The following STK32B variants were observed in gnomAD, a reference collection of about 807,000 sequenced individuals.
STK32B encodes serine/threonine-protein kinase 32B.
STK32B carries 43 observed loss-of-function variants against 52.6 expected under a neutral mutation model. That is an observed-to-expected ratio of 0.82 (90% CI 0.64 to 1.05). The LOEUF (loss-of-function observed/expected upper bound fraction) is 1.05, where lower values mean the gene tolerates loss of function less well. Ranked by LOEUF, STK32B falls within the 50% of genes least tolerant of loss-of-function variation. The pLI is 0.00. For synonymous variants in STK32B, 238 were observed against 204.3 expected (o/e 1.17, Z -1.41); for missense variants, 621 against 534.6 (o/e 1.16, Z -1.59).
intron 5 of STK32B, among the ~76,000 whole-genome samples, chr4:5,410,165 T>C (rs750340551): frequency 6.6e-6 from 1 of 152,164 alleles, no homozygotes; most frequent in Non-Finnish European, 1.5e-5. Context: ...GTGCAATTAT[T>C]ATTAGCAGAG....
chr4:5,159,463 T>TAC lies in STK32B; in HGVS notation c.109-8826_109-8825dup, dbSNP rs1174266334. ...AATGGGGTGTAACTATATATATATA[T>TAC]ACACACACACATATATATGAATACA... On this transcript the variant is annotated intron_variant, in intron 2 of 11. Transcript: ENST00000282908. Among the ~76,000 whole-genome samples, 123 of 145,602 alleles carry TAC rather than the reference T, an allele frequency of 8.4e-4. No individual in the cohort carries two copies. The Middle Eastern group carries it at 0.011, about 13-fold the overall frequency.
chr4:5,263,578 C>A (rs9985541), intron 3 of STK32B, among the ~76,000 whole-genome samples: 10,583 of 152,246 alleles, frequency 0.07, 442 homozygotes, highest in East Asian at 0.12. Context: ...AACCATCACA[C>A]TGGCTAAGAG....
intron 3 of STK32B, among the ~76,000 whole-genome samples, chr4:5,236,554 A>C (rs529686831): frequency 1.3e-5 from 2 of 152,218 alleles, no homozygotes; most frequent in East Asian, 3.9e-4. Flanking sequence ...CTGCCTTTGT[A>C]CTTTATATAA....
At chr4:5,476,994 A>C (rs1047899960) in intron 11 of STK32B, among the ~76,000 whole-genome samples, 1 of 151,990 alleles carries the variant, frequency 6.6e-6, no homozygotes, top group African/African-American at 2.4e-5. Flanking sequence ...CCCAGCCAAC[A>C]CCTTGATTTC....
Position 5,463,358 on chromosome 4 carries a change from C to T in STK32B, c.909+3130C>T, listed in dbSNP as rs28677053. 2.7e-3 allele frequency among the ~76,000 whole-genome samples: 409 copies of T among 152,250 alleles called. 1 individual carries two copies. The highest frequency in any genetic ancestry group is 4.5e-3 in the Non-Finnish European group (309 of 68,018). On this transcript the variant is annotated intron_variant, in intron 9 of 11. Transcript: ENST00000282908. ...GGGGGCATCTGGGGTCAGCCTGTGGCTTTGCCATATTGTGTGCCTGAGCCT... is the reference window on the plus strand; with the variant it reads ...GGGGGCATCTGGGGTCAGCCTGTGGTTTTGCCATATTGTGTGCCTGAGCCT...
At chr4:5,307,236 C>T (rs1445566340) in intron 3 of STK32B, among the ~76,000 whole-genome samples, 1 of 152,108 alleles carries the variant, frequency 6.6e-6, no homozygotes, top group African/African-American at 2.4e-5. Flanking sequence ...ACTTGTTTTC[C>T]AAACTTTTAG....
intron 3 of STK32B, among the ~76,000 whole-genome samples, chr4:5,271,756 C>G (rs995340793): frequency 2.6e-4 from 37 of 143,526 alleles, no homozygotes; most frequent in Non-Finnish European, 5.0e-4. Context: ...ATTTTATTGT[C>G]TTTGAAGCAT....
rs550106660 is a variant in STK32B at position 5,059,988 on chromosome 4, CAG to C, written c.52+8076_52+8077del. On this transcript the variant is annotated intron_variant, in intron 1 of 11. Coordinates refer to ENST00000282908, the MANE Select transcript of STK32B (RefSeq NM_018401.3). Reference sequence around the variant, plus strand: ...TGTTATTATTGTTATTATTTTGAGACAGAGTTTCGTTCTTGTTGCCCAGGCTG... The same window carrying C: ...TGTTATTATTGTTATTATTTTGAGACAGTTTCGTTCTTGTTGCCCAGGCTG... Among the ~76,000 whole-genome samples the C allele has an allele frequency of 1.1e-4, 16 of 152,232 alleles. No individual in the cohort carries two copies. The East Asian group carries it at 3.1e-3, about 29-fold the overall frequency.
chr4:5,231,709 GA>G (rs1277211612), intron 3 of STK32B, among the ~76,000 whole-genome samples: 1 of 152,118 alleles, frequency 6.6e-6, no homozygotes, highest in Non-Finnish European at 1.5e-5. Flanking sequence ...GGTTGGAAAA[GA>G]AAAAAACTGA....
chr4:5,235,169 C>T (rs1577224905), intron 3 of STK32B, among the ~76,000 whole-genome samples: 1 of 152,234 alleles, frequency 6.6e-6, no homozygotes. Flanking sequence ...TTAATGTCTA[C>T]AAACTTCAGT....
chr4:5,108,183 C>G (rs1429508654), intron 1 of STK32B, among the ~76,000 whole-genome samples: 2 of 152,176 alleles, frequency 1.3e-5, no homozygotes, highest in Non-Finnish European at 2.9e-5. Flanking sequence ...GAGGATGTGA[C>G]CTGTACTGAT....
the STK32B span, among the ~76,000 whole-genome samples, chr4:5,039,326 T>C: frequency 1.3e-5 from 2 of 152,156 alleles, no homozygotes; most frequent in African/African-American, 4.8e-5. Context: ...CCTGAATCTA[T>C]AAGCGTTTTT....
chr4:5,359,939 AG>A (rs1396976387), intron 4 of STK32B, among the ~76,000 whole-genome samples: 1 of 152,226 alleles, frequency 6.6e-6, no homozygotes, highest in African/African-American at 2.4e-5. Context: ...TCAGCAGTGA[AG>A]AAACATGGTT....
Position 5,396,831 on chromosome 4 carries a change from C to A in STK32B, c.435-1376C>A, listed in dbSNP as rs894496950. 2.6e-5 allele frequency among the ~76,000 whole-genome samples: 4 copies of A among 151,688 alleles called. No homozygotes were observed. Among genetic ancestry groups the A allele is most frequent in the African/African-American group, 9.7e-5 (4 of 41,152 alleles). ...GCAGGGACCAAGCATTTGCTGACTT[C>A]ATCCGCACTTGACTCTAGGTCTTCT... On this transcript the variant is annotated intron_variant, in intron 4 of 11. Transcript: ENST00000282908. This position sits in a 1 kb window ranked among gnomAD's most constrained non-coding sequence, Gnocchi z 4.7.
chr4:5,115,690 C>T (rs139094202), intron 1 of STK32B, among the ~76,000 whole-genome samples: 118 of 152,124 alleles, frequency 7.8e-4, no homozygotes, highest in Non-Finnish European at 1.4e-3. Flanking sequence ...CCACAGGACA[C>T]GTCCTCAGGA....
At chr4:5,349,372 C>T (rs183728209) in intron 4 of STK32B, among the ~76,000 whole-genome samples, 3 of 152,274 alleles carry the variant, frequency 2.0e-5, no homozygotes, top group Admixed American at 2.0e-4. Context: ...CAGACACTAT[C>T]AATGCTGTTT....
At chr4:5,338,226 A>C (rs73794571) in intron 4 of STK32B, among the ~76,000 whole-genome samples, 17,167 of 152,192 alleles carry the variant, frequency 0.11, 1,454 homozygotes, top group African/African-American at 0.24. Context: ...CTTTGATACA[A>C]ATAACAGAAA....
chr4:5,284,738 A>G (rs759880760), intron 3 of STK32B, among the ~76,000 whole-genome samples: 5 of 152,174 alleles, frequency 3.3e-5, no homozygotes, highest in Admixed American at 6.5e-5. Flanking sequence ...TTAAAACATC[A>G]TATGATACTA....
chr4:5,111,911 A>G (rs1714426420), intron 1 of STK32B, among the ~76,000 whole-genome samples: 1 of 152,144 alleles, frequency 6.6e-6, no homozygotes, highest in South Asian at 2.1e-4. Flanking sequence ...GAGACAGGGA[A>G]GGGAAAGCAG....
Sources: allele counts gnomAD v4.1 joint callset (sites outside exome capture counted in the v4.1 genomes callset), GRCh38; gene constraint gnomAD v4.1.1; non-coding constraint Gnocchi (gnomAD v3.1); transcripts MANE v1.5; gene names NCBI Gene and HGNC (gene_info 2026-07-23, HGNC 2026-07-21).